STK32B: variants seen among roughly 807,000 people sequenced by gnomAD.
STK32B encodes serine/threonine-protein kinase 32B.
STK32B carries 43 observed loss-of-function variants against 52.6 expected under a neutral mutation model. The ratio of observed to expected loss-of-function variants is 0.82; its 90% CI spans 0.64 to 1.05. The LOEUF (loss-of-function observed/expected upper bound fraction) is 1.05. Ranked by LOEUF, STK32B falls within the 50% of genes least tolerant of loss-of-function variation. The pLI is 0.00. For missense variants in STK32B, 621 were observed against 534.6 expected, an observed-to-expected ratio of 1.16 and a Z score of -1.59; for synonymous variants, 238 against 204.3, an observed-to-expected ratio of 1.17 and a Z score of -1.41.
chr4:5,283,237 A>T (rs1728323539), intron 3 of STK32B, among the ~76,000 whole-genome samples: 1 of 152,160 alleles, frequency 6.6e-6, no homozygotes, highest in Non-Finnish European at 1.5e-5. Flanking sequence ...ATGTTGTCAC[A>T]AATGATAGGA....
At chr4:5,335,825 T>G (rs913626664) in intron 4 of STK32B, among the ~76,000 whole-genome samples, 1 of 152,122 alleles carries the variant, frequency 6.6e-6, no homozygotes, top group Admixed American at 6.6e-5. Flanking sequence ...GTAGTTTGAT[T>G]GCACTGTGAT....
intron 7 of STK32B, among the ~76,000 whole-genome samples, chr4:5,449,355 G>A (rs894428276): frequency 2.0e-5 from 3 of 152,146 alleles, no homozygotes; most frequent in Non-Finnish European, 4.4e-5. Context: ...ACATAAAAAG[G>A]TTATAGTGGG....
intron 3 of STK32B, among the ~76,000 whole-genome samples, chr4:5,171,808 T>C (rs1719394689): frequency 1.3e-5 from 2 of 150,056 alleles, no homozygotes; most frequent in Non-Finnish European, 1.5e-5. Context: ...TTTGGTTCCA[T>C]ATGAACTTTA....
chr4:5,204,360 T>C, intron 3 of STK32B: 1 of 153,232 alleles, frequency 6.5e-6, no homozygotes, highest in Non-Finnish European at 1.5e-5. Context: ...TCACAGAACA[T>C]GTGAGGGACA....
intron 11 of STK32B, among the ~76,000 whole-genome samples, chr4:5,493,578 T>C (rs1200234585): frequency 6.6e-6 from 1 of 152,230 alleles, no homozygotes; most frequent in African/African-American, 2.4e-5. Context: ...CTCTATTTCC[T>C]TCAGTTCTGC....
intron 3 of STK32B, among the ~76,000 whole-genome samples, chr4:5,235,200 G>T (rs1305678124): frequency 6.6e-6 from 1 of 152,210 alleles, no homozygotes; most frequent in Non-Finnish European, 1.5e-5. Flanking sequence ...ATAAAATGGT[G>T]ATTGCACTGC....
chr4:5,181,243 A>G (rs1720327085), intron 3 of STK32B, among the ~76,000 whole-genome samples: 1 of 152,054 alleles, frequency 6.6e-6, no homozygotes, highest in Non-Finnish European at 1.5e-5. Flanking sequence ...TGTAAGAGGT[A>G]ATTACAGCTG....
intron 1 of STK32B, among the ~76,000 whole-genome samples, chr4:5,111,510 G>T (rs1236219816): frequency 6.6e-6 from 1 of 152,242 alleles, no homozygotes; most frequent in South Asian, 2.1e-4. Context: ...AACTAACACA[G>T]AAACAGAAAA....
At chr4:5,230,236 T>C (rs1577219042) in intron 3 of STK32B, among the ~76,000 whole-genome samples, 1 of 133,152 alleles carries the variant, frequency 7.5e-6, no homozygotes. Context: ...GTCGCCCAGG[T>C]TGGAGTGCAG....
intron 3 of STK32B, among the ~76,000 whole-genome samples, chr4:5,260,984 C>A (rs978396579): frequency 4.6e-5 from 7 of 152,220 alleles, no homozygotes; most frequent in Admixed American, 2.6e-4. Flanking sequence ...CCTTTATGCA[C>A]CCATGTCAAT....
At chr4:5,489,100 A>C (rs1326011880) in intron 11 of STK32B, among the ~76,000 whole-genome samples, 1 of 152,172 alleles carries the variant, frequency 6.6e-6, no homozygotes, top group Non-Finnish European at 1.5e-5. Flanking sequence ...TGAAGTCGTA[A>C]TTGAAAATGA....
At chr4:5,188,664 C>A (rs1437316559) in intron 3 of STK32B, among the ~76,000 whole-genome samples, 1 of 152,160 alleles carries the variant, frequency 6.6e-6, no homozygotes, top group Admixed American at 6.5e-5. Context: ...GCTACACTTT[C>A]ACCTGGGAAC....
At chr4:5,141,730 A>G (rs1430055073) in intron 2 of STK32B, among the ~76,000 whole-genome samples, 2 of 152,158 alleles carry the variant, frequency 1.3e-5, no homozygotes, top group East Asian at 1.9e-4. Flanking sequence ...ATGTCACCAA[A>G]TCAAGTGGTC....
At chr4:5,122,417 T>TTCACTCATTAACCTACTTCACTCATTCAC (rs1715099566) in intron 1 of STK32B, among the ~76,000 whole-genome samples, 1 of 152,038 alleles carries the variant, frequency 6.6e-6, no homozygotes, top group Non-Finnish European at 1.5e-5. Context: ...CACTCATTCA[T>TTCACTCATTAACCTACTTCACTCATTCAC]TCACTCATTA....
At chr4:5,216,210 C>G (rs889818014) in intron 3 of STK32B, among the ~76,000 whole-genome samples, 10 of 152,152 alleles carry the variant, frequency 6.6e-5, no homozygotes, top group African/African-American at 2.2e-4. Context: ...AGCGGACTTG[C>G]ATTTCTAACA....
upstream of STK32B, chr4:5,051,340 C>T (rs1189698187): frequency 6.4e-6 from 1 of 156,938 alleles, no homozygotes; most frequent in Non-Finnish European, 1.4e-5. Context: ...CGCTTACTGC[C>T]TGCAGGGACC....
chr4:5,079,848 T>C (rs1392061922), intron 1 of STK32B, among the ~76,000 whole-genome samples: 3 of 151,806 alleles, frequency 2.0e-5, no homozygotes, highest in Non-Finnish European at 4.4e-5. Context: ...ATGCTAAATG[T>C]AGTAAGCCAG....
chr4:5,460,317 G>C lies in STK32B; in HGVS notation c.909+89G>C. 1 of 1,522,632 alleles carries C rather than the reference G, an allele frequency of 6.6e-7. No individual in the cohort carries two copies. The highest frequency in any genetic ancestry group is 8.8e-7 in the Non-Finnish European group (1 of 1,134,782). The allele number at this position is 1,522,632 out of a possible 1,614,324, so 94.3% of individuals were successfully genotyped here. On this transcript the variant is annotated intron_variant, in intron 9 of 11. Coordinates refer to ENST00000282908, the MANE Select transcript of STK32B (RefSeq NM_018401.3). The surrounding 1 kb of genome is among the most constrained non-coding windows in gnomAD (Gnocchi z 4.8). Reference sequence around the variant, plus strand: ...CAAGACTTTGGCAGCTGGCTAGTGAGCCCTCTGCTGGCCACTTCCACCTGA... The same window carrying C: ...CAAGACTTTGGCAGCTGGCTAGTGACCCCTCTGCTGGCCACTTCCACCTGA...
chr4:5,144,241 G>C (rs1716731335), intron 2 of STK32B, among the ~76,000 whole-genome samples: 1 of 152,206 alleles, frequency 6.6e-6, no homozygotes, highest in Non-Finnish European at 1.5e-5. Flanking sequence ...CATGCACTTT[G>C]AGTCTCTGTG....
Sources: gnomAD v4.1 joint callset for allele counts (sites outside exome capture counted in the v4.1 genomes callset) on GRCh38, gnomAD v4.1.1 for gene constraint, Gnocchi (gnomAD v3.1) non-coding constraint, MANE v1.5 for transcripts, NCBI Gene and HGNC (gene_info 2026-07-23, HGNC 2026-07-21) for gene names.